Variants in EBF4 observed in about 807,000 individuals in gnomAD.
The protein encoded by EBF4 is transcription factor COE4.
EBF4 carries 34 observed loss-of-function variants against 67.1 expected under a neutral mutation model. That is an observed-to-expected ratio of 0.51 (90% confidence interval 0.39 to 0.67). The LOEUF is 0.67. EBF4 is among the 30% of genes least tolerant of loss of function. The pLI, the probability that EBF4 is intolerant of heterozygous loss-of-function variation, is 0.00. For synonymous variants in EBF4, 387 were observed against 377.7 expected (o/e 1.02, Z -0.29); for missense variants, 837 against 873.3 (o/e 0.96, Z 0.52).
In EBF4 at chr20:2,743,186, C is replaced by G. The variant is rs150414813; in HGVS notation, c.558-5363C>G. On this transcript the variant is annotated intron_variant, in intron 6 of 16. Transcript: ENST00000609451. ...GCTCAGGTGGAATAAAGTGTCACCC[C>G]CTGGGCGTCAGCCAAGGGAGAATTC... Among the ~76,000 whole-genome samples, 17 of 152,324 alleles carry G rather than the reference C, an allele frequency of 1.1e-4. No homozygotes were observed. The East Asian group carries it at 2.5e-3, about 22-fold the overall frequency.
chr20:2,757,352 C>T (rs6107190), intron 15 of EBF4, among the ~76,000 whole-genome samples: 1 of 152,098 alleles, frequency 6.6e-6, no homozygotes, highest in South Asian at 2.1e-4. Context: ...TGCTGATGCC[C>T]TGCCCTGCAC....
chr20:2,716,529 C>CAA (rs60033313), intron 6 of EBF4, among the ~76,000 whole-genome samples: 5,219 of 107,682 alleles, frequency 0.048, 297 homozygotes, highest in African/African-American at 0.14. Flanking sequence ...AACTCCGTCT[C>CAA]AAAAAAAAAA....
chr20:2,748,422 G>A, intron 6 of EBF4, 127 bp from the exon 7 acceptor site: 1 of 821,846 alleles, frequency 1.2e-6, no homozygotes, highest in Non-Finnish European at 1.9e-6. Flanking sequence ...AATATGGGAT[G>A]TGTGCCTGAG....
At chr20:2,719,339 A>G (rs1299258021) in intron 6 of EBF4, among the ~76,000 whole-genome samples, 4 of 152,150 alleles carry the variant, frequency 2.6e-5, no homozygotes, top group African/African-American at 9.7e-5. Context: ...CAGTGGCGCA[A>G]TCTCGGCTCA....
intron 14 of EBF4, among the ~76,000 whole-genome samples, 159 bp downstream of exon 14, chr20:2,752,704 TC>T (rs964379535): frequency 6.6e-6 from 1 of 151,450 alleles, no homozygotes; most frequent in Admixed American, 6.6e-5. Flanking sequence ...GCCTGGGACC[TC>T]CCCTGCCGCA....
At chr20:2,709,203 G>T (rs1252471633) in intron 5 of EBF4, among the ~76,000 whole-genome samples, 1 of 152,132 alleles carries the variant, frequency 6.6e-6, no homozygotes, top group Non-Finnish European at 1.5e-5. Flanking sequence ...AAGAAAAAAA[G>T]ATTCACTTTG....
At chr20:2,703,053 A>G (rs923816417) in intron 1 of EBF4, among the ~76,000 whole-genome samples, 1 of 151,990 alleles carries the variant, frequency 6.6e-6, no homozygotes, top group Non-Finnish European at 1.5e-5. Flanking sequence ...AGATGGGAGA[A>G]AGCTGGAGCC....
upstream of EBF4, chr20:2,693,532 G>GGCGCT: frequency 1.6e-6 from 2 of 1,238,148 alleles, no homozygotes; most frequent in Non-Finnish European, 2.0e-6. This position sits in a 1 kb window ranked among gnomAD's most constrained non-coding sequence, Gnocchi z 4.6. Context: ...ACCCGGACTC[G>GGCGCT]GCGCTGCGCT....
At position 2,745,032 on chromosome 20, in the gene EBF4, T is replaced by C. The variant is rs4815541; in HGVS notation, c.558-3517T>C. 0.29 allele frequency among the ~76,000 whole-genome samples: 43,865 copies of C among 152,106 alleles called. 6,531 individuals are homozygous for C. Among genetic ancestry groups the C allele is most frequent in the East Asian group, 0.37 (1,909 of 5,174 alleles). ...GGACTAGCCACACTGCAAGGGTTCA[T>C]GCCGCGTGGGGCTGGTGGCTATAGT... On this transcript the variant is annotated intron_variant, in intron 6 of 16. Coordinates refer to ENST00000609451, the Ensembl canonical transcript of EBF4. The surrounding 1 kb of genome is among the most constrained non-coding windows in gnomAD (Gnocchi z 5.2).
At chr20:2,754,052 G>A (rs1481148202) in intron 14 of EBF4, among the ~76,000 whole-genome samples, 1 of 152,218 alleles carries the variant, frequency 6.6e-6, no homozygotes, top group Non-Finnish European at 1.5e-5. Flanking sequence ...GCAGAACCCA[G>A]CCCAGCTGGG....
At chr20:2,716,039 G>A (rs1007839641) in intron 6 of EBF4, among the ~76,000 whole-genome samples, 2 of 150,110 alleles carry the variant, frequency 1.3e-5, no homozygotes, top group East Asian at 2.0e-4. Flanking sequence ...ATGAGCCACC[G>A]CGCCCGGCCT....
At position 2,751,599 on chromosome 20, in the gene EBF4, C is replaced by A; in HGVS notation, c.1019-101C>A. The A allele has an allele frequency of 8.2e-7, 1 of 1,226,146 alleles. No individual in the cohort carries two copies. 76.0% of individuals were successfully genotyped at this position (1,226,146 alleles called of 1,614,324 possible). ...CCTGGTGGAGGGGGCTGCAGCGAGG[C>A]TCTCGGACTGGGCGCTGGCCTGCTT... On this transcript the variant is annotated intron_variant, in intron 10 of 16. Transcript: ENST00000609451. This position sits in a 1 kb window ranked among gnomAD's most constrained non-coding sequence, Gnocchi z 5.2.
chr20:2,724,761 A>G (rs1398787185), intron 6 of EBF4, among the ~76,000 whole-genome samples: 1 of 152,116 alleles, frequency 6.6e-6, no homozygotes, highest in Non-Finnish European at 1.5e-5. Context: ...AAAATTAGCC[A>G]TGTGTTGTGG....
chr20:2,693,899 C>G lies in EBF4; in HGVS notation c.137+117C>G, dbSNP rs1363621677. 1.1e-5 allele frequency: 13 copies of G among 1,209,286 alleles called. No individual in the cohort carries two copies. Among genetic ancestry groups the G allele is most frequent in the Admixed American group, 4.2e-5 (1 of 23,608 alleles). 74.9% of individuals were successfully genotyped at this position (1,209,286 alleles called of 1,614,324 possible). ...AAGGAGCCCTAACTCTGGACGGTCCCGGCGAGCTCCCCGGCCCACCCCGTC... is the reference window on the plus strand; with the variant it reads ...AAGGAGCCCTAACTCTGGACGGTCCGGGCGAGCTCCCCGGCCCACCCCGTC... On this transcript the variant is annotated intron_variant, in intron 1 of 16. Transcript: ENST00000609451. This position sits in a 1 kb window ranked among gnomAD's most constrained non-coding sequence, Gnocchi z 4.6.
At chr20:2,695,416 G>A (rs754810265) in intron 1 of EBF4, among the ~76,000 whole-genome samples, 15 of 152,180 alleles carry the variant, frequency 9.9e-5, no homozygotes, top group Non-Finnish European at 2.1e-4. Flanking sequence ...TGGTGTCTGC[G>A]CATAGTGGGG....
At chr20:2,758,823 C>T (rs2088281612) in intron 15 of EBF4, 86 bp from the exon 16 acceptor site, 6 of 1,222,434 alleles carry the variant, frequency 4.9e-6, no homozygotes, top group Non-Finnish European at 5.9e-6. Flanking sequence ...TATCCCCTGC[C>T]TGCTGTCTCC....
intron 1 of EBF4, among the ~76,000 whole-genome samples, chr20:2,704,813 G>C (rs1242301335): frequency 6.6e-6 from 1 of 152,230 alleles, no homozygotes; most frequent in Admixed American, 6.5e-5. Flanking sequence ...CCAGTGCTTG[G>C]TGTATCACTG....
chr20:2,705,515 G>A (rs1004562888), intron 1 of EBF4, 62 bp from the exon 2 acceptor site: 3 of 1,550,106 alleles, frequency 1.9e-6, no homozygotes, highest in African/African-American at 2.7e-5. Context: ...CTGGCCCGAG[G>A]CGCTGGAGTC....
At position 2,739,649 on chromosome 20, in the gene EBF4, C is replaced by A. The variant is rs1346258703; in HGVS notation, c.558-8900C>A. Among the ~76,000 whole-genome samples, 1 of 152,228 alleles carries A rather than the reference C, an allele frequency of 6.6e-6. No individual in the cohort carries two copies. The highest frequency in any genetic ancestry group is 1.5e-5 in the Non-Finnish European group (1 of 68,044). On this transcript the variant is annotated intron_variant, in intron 6 of 16. Transcript: ENST00000609451. This position sits in a 1 kb window ranked among gnomAD's most constrained non-coding sequence, Gnocchi z 4.5. ...GATGAATGGCCCAGCCCTCTGTGTC[C>A]TCCTCTGTCCCTGAGCTGAGGGTAG...
Sources: gnomAD v4.1 joint callset for allele counts (sites outside exome capture counted in the v4.1 genomes callset) on GRCh38, gnomAD v4.1.1 for gene constraint, Gnocchi (gnomAD v3.1) non-coding constraint, MANE v1.5 for transcripts, NCBI Gene and HGNC (gene_info 2026-07-23, HGNC 2026-07-21) for gene names.